Variants in ZBTB1 observed in about 807,000 individuals in gnomAD.
The protein encoded by ZBTB1 is zinc finger and BTB domain-containing protein 1.
ZBTB1 carries 13 observed loss-of-function variants against 51.6 expected under a neutral mutation model. The observed-to-expected ratio is 0.25, with a 90% confidence interval of 0.16 to 0.40. The LOEUF (loss-of-function observed/expected upper bound fraction) is 0.40. Ranked by LOEUF, ZBTB1 falls within the 10% of genes least tolerant of loss-of-function variation. The probability of loss-of-function intolerance (pLI) is 1.00; values close to 1 mark genes in which losing one functional copy is unlikely to be tolerated. For synonymous variants in ZBTB1, 240 were observed against 282.2 expected, an observed-to-expected ratio of 0.85 and a Z score of 1.50; for missense variants, 567 against 856.5, an observed-to-expected ratio of 0.66 and a Z score of 4.22.
chr14:64,525,289 TAGGC>T (rs1026417416), downstream of ZBTB1, among the ~76,000 whole-genome samples: 1 of 152,080 alleles, frequency 6.6e-6, no homozygotes, highest in African/African-American at 2.4e-5. Context: ...TAACGGGAAG[TAGGC>T]AGGGGACGGG....
intron 1 of ZBTB1, among the ~76,000 whole-genome samples, chr14:64,516,992 C>A (rs1263867656): frequency 6.6e-6 from 1 of 152,094 alleles, no homozygotes; most frequent in Non-Finnish European, 1.5e-5. Context: ...CTTCTGTGCT[C>A]TTTATATCAT....
chr14:64,530,302 A>C (rs1301653493), intron 2 of ZBTB1, among the ~76,000 whole-genome samples: 1 of 152,204 alleles, frequency 6.6e-6, no homozygotes, highest in Non-Finnish European at 1.5e-5. Context: ...GCAGCTTGTA[A>C]ATTAATGCTA....
Position 64,523,293 on chromosome 14 carries a change from TATACTGTTC to T in ZBTB1, c.1795_1803del (p.Val599_Thr601del). On this transcript the variant is annotated inframe_deletion, in exon 2 of 2. Coordinates refer to ENST00000683701, the MANE Select transcript of ZBTB1 (RefSeq NM_001123329.2). This position sits in a 1 kb window ranked among gnomAD's most constrained non-coding sequence, Gnocchi z 4.5. ...TCAGCGGTGTCACTTAAGAGAACAC[TATACTGTTC>T]ATACTAAGGAAAAACAGTTTGTTTG... 1 of 1,614,192 alleles carries T rather than the reference TATACTGTTC, an allele frequency of 6.2e-7. No individual in the cohort carries two copies. The highest frequency in any genetic ancestry group is 8.5e-7 in the Non-Finnish European group (1 of 1,180,024).
Position 64,522,281 on chromosome 14 carries a change from A to T in ZBTB1, c.777A>T (p.Gly259=), listed in dbSNP as rs778328451. 43 of 1,614,076 alleles carry T rather than the reference A, an allele frequency of 2.7e-5. No individual in the cohort carries two copies. Among genetic ancestry groups the T allele is most frequent in the Non-Finnish European group, 3.5e-5 (41 of 1,180,024 alleles). The change falls in exon 2 of 2, where the codon GGA becomes GGT. Residue 259 remains glycine (G), a synonymous_variant. Coordinates refer to ENST00000683701, the MANE Select transcript of ZBTB1 (RefSeq NM_001123329.2). ...ATAGAATAGTAGATATTAGAGATGG[A>T]AAAGACAGTAACATCAAAGCTGAAT... ...SYHRIVDIRD[G]KDSNIKAEFG...
chr14:64,531,983 A>G, exon 3 of ZBTB1: 2 of 1,495,226 alleles, frequency 1.3e-6, no homozygotes, highest in Non-Finnish European at 1.8e-6. Flanking sequence ...TCAGATCTGA[A>G]GTGGCACCAT....
downstream of ZBTB1, among the ~76,000 whole-genome samples, chr14:64,525,797 T>A (rs1479751939): frequency 6.6e-6 from 1 of 152,170 alleles, no homozygotes; most frequent in Non-Finnish European, 1.5e-5. Flanking sequence ...TAGAAAGCCA[T>A]ACCTCAACTT....
intron 1 of ZBTB1, 125 bp from the exon 2 acceptor site, chr14:64,521,362 G>T (rs1027086257): frequency 1.5e-6 from 1 of 681,776 alleles, no homozygotes. Context: ...AGTTTTATTA[G>T]AATGGAAAGC....
intron 1 of ZBTB1, among the ~76,000 whole-genome samples, chr14:64,518,904 G>GTATATATATATATATATATATATATA (rs71123855): frequency 6.4e-4 from 61 of 95,094 alleles, no homozygotes; most frequent in Non-Finnish European, 7.4e-4. Context: ...TTGCAGAGAG[G>GTATATATATATATATATATATATATA]TATATATATA....
At chr14:64,509,205 A>G (rs1027677387) in intron 1 of ZBTB1, among the ~76,000 whole-genome samples, 1 of 152,180 alleles carries the variant, frequency 6.6e-6, no homozygotes, top group Non-Finnish European at 1.5e-5. Flanking sequence ...CCCTGTCTCT[A>G]CAAACAATAC....
At chr14:64,531,747 T>G in intron 2 of ZBTB1, 2 of 1,171,568 alleles carry the variant, frequency 1.7e-6, no homozygotes, top group South Asian at 2.6e-5. Flanking sequence ...GTTAACAGTG[T>G]GTTGGCCTAG....
rs750234161 is a variant in ZBTB1, at chr14:64,522,484, T to C, written c.980T>C (p.Ile327Thr). The change falls in exon 2 of 2, where the codon ATT (isoleucine) becomes ACT (threonine). Residue 327 changes from isoleucine to threonine, a missense_variant. By Grantham distance (89) the Ile-to-Thr change is moderately conservative. Transcript: ENST00000683701. ...SRAAERKRIIIKMEPEDIPTD... is the reference protein window; with the variant it reads ...SRAAERKRIITKMEPEDIPTD... ...GCTGCTGAGAGGAAAAGGATTATTA[T>C]TAAGATGGAGCCAGAAGATATTCCT... is the stretch of plus-strand genomic sequence containing the variant. 4 of 1,613,924 alleles carry C rather than the reference T, an allele frequency of 2.5e-6. No individual in the cohort carries two copies. The East Asian group carries it at 8.9e-5, about 36-fold the overall frequency.
downstream of ZBTB1, among the ~76,000 whole-genome samples, chr14:64,529,817 G>C (rs770334311): frequency 2.6e-5 from 4 of 151,956 alleles, no homozygotes; most frequent in Non-Finnish European, 5.9e-5. Context: ...CTAATAAACA[G>C]AAGAACCCCC....
exon 3 of ZBTB1, chr14:64,533,292 T>TTA (rs2079956848): frequency 6.6e-6 from 1 of 152,110 alleles, no homozygotes; most frequent in African/African-American, 2.4e-5. Context: ...CCTAGGGAAA[T>TTA]ATTAGAGTCT....
chr14:64,530,868 G>A (rs2079937446), intron 2 of ZBTB1, among the ~76,000 whole-genome samples: 1 of 146,188 alleles, frequency 6.8e-6, no homozygotes, highest in Non-Finnish European at 1.5e-5. Context: ...ATAGTATGAA[G>A]ATTACAATTA....
Position 64,524,756 on chromosome 14 carries a change from C to G in ZBTB1, c.*1110C>G. The G allele has an allele frequency of 1.0e-6, 1 of 981,556 alleles. No individual in the cohort carries two copies. Among genetic ancestry groups the G allele is most frequent in the Non-Finnish European group, 1.2e-6 (1 of 826,476 alleles). The allele number at this position is 981,556 out of a possible 1,614,324, so 60.8% of individuals were successfully genotyped here. On this transcript the variant is annotated 3_prime_UTR_variant, in exon 2 of 2. Transcript: ENST00000683701. Reference sequence around the variant, plus strand: ...GCAGTTTATCGCCATATTTTATTATCATTTTTTTCTGTAAAAGACTATAAA... The same window carrying G: ...GCAGTTTATCGCCATATTTTATTATGATTTTTTTCTGTAAAAGACTATAAA...
At position 64,522,321 on chromosome 14, in the gene ZBTB1, T is replaced by G. The variant is rs778515455; in HGVS notation, c.817T>G (p.Ser273Ala). 1 of 1,614,164 alleles carries G rather than the reference T, an allele frequency of 6.2e-7. No individual in the cohort carries two copies. Among genetic ancestry groups the G allele is most frequent in the Non-Finnish European group, 8.5e-7 (1 of 1,180,034 alleles). ...CAAAGCTGAATTTGGTGAAAAAGAT[T>G]CTTCCAAAACATTTTCTGCACAGAC... ...NIKAEFGEKD[S>A]SKTFSAQTDK... is the part of the protein sequence containing the mutation. Residue 273 changes from serine (S) to alanine (A), a missense_variant, in exon 2 of 2, where the codon TCT becomes GCT. Transcript: ENST00000683701.
At chr14:64,517,771 ATATATATATAT>A (rs1307028966) in intron 1 of ZBTB1, among the ~76,000 whole-genome samples, 3 of 66,422 alleles carry the variant, frequency 4.5e-5, no homozygotes, top group African/African-American at 2.0e-4. Flanking sequence ...ATATATATAT[ATATATATATAT>A]TTTTTTTTTT....
At chr14:64,527,138 C>T (rs1264935658), downstream of ZBTB1, among the ~76,000 whole-genome samples, 1 of 151,652 alleles carries the variant, frequency 6.6e-6, no homozygotes, top group Non-Finnish European at 1.5e-5. Context: ...AAGAAAGGAT[C>T]CCAGAGGGGC....
Position 64,521,801 on chromosome 14 carries a change from G to T in ZBTB1, c.297G>T (p.Val99=). 1 of 1,611,356 alleles carries T rather than the reference G, an allele frequency of 6.2e-7. No individual in the cohort carries two copies. Among genetic ancestry groups the T allele is most frequent in the Non-Finnish European group, 8.5e-7 (1 of 1,180,024 alleles). Residue 99 remains valine (V), a synonymous_variant, in exon 2 of 2, where the codon GTG becomes GTT. Coordinates refer to ENST00000683701, the MANE Select transcript of ZBTB1 (RefSeq NM_001123329.2). ...TAPSSFEQFK[V]AMNYLQLYNV... ...CCTCCAGTTTTGAGCAGTTTAAAGT[G>T]GCAATGAACTACCTACAGCTATACA...
Sources: gnomAD v4.1 joint callset for allele counts (sites outside exome capture counted in the v4.1 genomes callset) on GRCh38, gnomAD v4.1.1 for gene constraint, Gnocchi (gnomAD v3.1) non-coding constraint, MANE v1.5 for transcripts, NCBI Gene and HGNC (gene_info 2026-07-23, HGNC 2026-07-21) for gene names.